METTL15: variants seen among roughly 807,000 people sequenced by gnomAD.
METTL15 encodes methyltransferase 15, mitochondrial 12S rRNA N4-cytidine.
In METTL15, 34 loss-of-function variants were observed where a neutral mutation model predicts 38.3. The observed-to-expected ratio is 0.89, with a 90% CI of 0.68 to 1.18. The LOEUF is 1.18. METTL15 is among the 50% of genes most tolerant of loss of function. METTL15 has a pLI of 0.00. For missense variants in METTL15, 438 were observed against 498.4 expected, an observed-to-expected ratio of 0.88 and a Z score of 1.15; for synonymous variants, 162 against 170.9, an observed-to-expected ratio of 0.95 and a Z score of 0.41.
chr11:28,208,090 T>C (rs1250512317), intron 3 of METTL15, among the ~76,000 whole-genome samples: 1 of 152,148 alleles, frequency 6.6e-6, no homozygotes, highest in Non-Finnish European at 1.5e-5. Context: ...TTTGAAGGGT[T>C]TTTTATGTCT....
chr11:28,171,437 G>T (rs1000014506), intron 3 of METTL15, among the ~76,000 whole-genome samples: 2 of 152,102 alleles, frequency 1.3e-5, no homozygotes, highest in Non-Finnish European at 1.5e-5. Context: ...ATATGAAAAG[G>T]TTTGCCAAAT....
At chr11:28,428,044 T>A (rs1850881048) in intron 6 of METTL15, among the ~76,000 whole-genome samples, 1 of 152,216 alleles carries the variant, frequency 6.6e-6, no homozygotes, top group Non-Finnish European at 1.5e-5. Context: ...GCCTTGACTT[T>A]CTTTCTATTA....
chr11:28,262,459 TTA>T (rs1340878833), intron 4 of METTL15, among the ~76,000 whole-genome samples: 1 of 151,696 alleles, frequency 6.6e-6, no homozygotes, highest in African/African-American at 2.4e-5. Context: ...CTACATAGTC[TTA>T]TATATATGTG....
At chr11:28,329,598 C>T (rs969325256) in intron 6 of METTL15, among the ~76,000 whole-genome samples, 1 of 152,112 alleles carries the variant, frequency 6.6e-6, no homozygotes, top group Non-Finnish European at 1.5e-5. Flanking sequence ...AATCTGTGAA[C>T]ATTCAGTAAT....
intron 4 of METTL15, among the ~76,000 whole-genome samples, chr11:28,356,556 G>A (rs954654228): frequency 6.6e-6 from 1 of 152,300 alleles, no homozygotes; most frequent in Non-Finnish European, 1.5e-5. Context: ...AAAGGCCAGG[G>A]TTTGTTTAGA....
intron 6 of METTL15, among the ~76,000 whole-genome samples, chr11:28,454,418 C>T (rs977909602): frequency 3.3e-5 from 5 of 152,028 alleles, no homozygotes; most frequent in African/African-American, 1.2e-4. Context: ...TCTTAATAGT[C>T]TTCTTAATAG....
intron 3 of METTL15, among the ~76,000 whole-genome samples, chr11:28,155,799 C>T (rs1312377441): frequency 3.3e-5 from 5 of 152,070 alleles, no homozygotes; most frequent in African/African-American, 1.2e-4. Context: ...TGGTAATGAT[C>T]TTAAGACAGT....
intron 4 of METTL15, among the ~76,000 whole-genome samples, chr11:28,216,592 A>G (rs970025199): frequency 1.3e-5 from 2 of 152,132 alleles, no homozygotes; most frequent in Non-Finnish European, 2.9e-5. Flanking sequence ...TTTAAATTTT[A>G]GGGTACATGT....
intron 5 of METTL15, among the ~76,000 whole-genome samples, chr11:28,402,239 A>T (rs1478364939): frequency 6.6e-6 from 1 of 151,910 alleles, no homozygotes; most frequent in Non-Finnish European, 1.5e-5. Context: ...CAACCTGTGG[A>T]TTCTGCCTCC....
intron 1 of METTL15, among the ~76,000 whole-genome samples, chr11:28,109,330 T>C (rs1417438782): frequency 6.6e-6 from 1 of 152,242 alleles, no homozygotes; most frequent in African/African-American, 2.4e-5. Flanking sequence ...TGTGTGCTGC[T>C]GGTCTTGGTA....
intron 3 of METTL15, among the ~76,000 whole-genome samples, chr11:28,141,760 T>C (rs1200301011): frequency 6.6e-6 from 1 of 152,136 alleles, no homozygotes; most frequent in Non-Finnish European, 1.5e-5. Flanking sequence ...GTAAGCAAGC[T>C]AGGGAACAAT....
At chr11:28,476,212 G>A (rs767906305) in intron 6 of METTL15, among the ~76,000 whole-genome samples, 20 of 152,126 alleles carry the variant, frequency 1.3e-4, no homozygotes, top group Non-Finnish European at 2.9e-4. Flanking sequence ...CCAGCCCATT[G>A]TCCCCCTCTT....
chr11:28,513,596 G>A (rs2133503072), intron 6 of METTL15, among the ~76,000 whole-genome samples: 1 of 152,264 alleles, frequency 6.6e-6, no homozygotes, highest in Non-Finnish European at 1.5e-5. Context: ...GAAATCAGGG[G>A]TCTCACAGCC....
At chr11:28,271,975 A>T (rs558210086) in intron 4 of METTL15, among the ~76,000 whole-genome samples, 5 of 152,276 alleles carry the variant, frequency 3.3e-5, no homozygotes, top group Admixed American at 2.6e-4. Flanking sequence ...GGTTATCATC[A>T]CTGGTTGGTC....
intron 6 of METTL15, among the ~76,000 whole-genome samples, chr11:28,513,577 G>A (rs1279578900): frequency 1.3e-5 from 2 of 152,172 alleles, no homozygotes; most frequent in Non-Finnish European, 2.9e-5. Flanking sequence ...ATATAGAGGT[G>A]TAAAGTGGGA....
intron 3 of METTL15, among the ~76,000 whole-genome samples, chr11:28,152,464 A>G (rs1009096051): frequency 6.6e-6 from 1 of 152,022 alleles, no homozygotes; most frequent in Non-Finnish European, 1.5e-5. Flanking sequence ...TGGTCACTAA[A>G]TTTTGTTTTT....
chr11:28,363,382 C>T (rs908124977), intron 5 of METTL15, among the ~76,000 whole-genome samples: 13 of 152,088 alleles, frequency 8.5e-5, no homozygotes, highest in African/African-American at 3.1e-4. Context: ...ACCATGTTTG[C>T]CAGGCTGGTC....
chr11:28,181,259 A>ATTTTTTTTTTTTTTTTTTTTT (rs71449171), intron 3 of METTL15, among the ~76,000 whole-genome samples: 6 of 133,798 alleles, frequency 4.5e-5, no homozygotes, highest in Admixed American at 8.2e-5. Flanking sequence ...TTAATTTTTA[A>ATTTTTTTTTTTTTTTTTTTTT]TTTTTTTTTT....
At chr11:28,358,370 T>C (rs183910480) in intron 4 of METTL15, among the ~76,000 whole-genome samples, 3 of 152,298 alleles carry the variant, frequency 2.0e-5, no homozygotes, top group Admixed American at 2.0e-4. Context: ...TTTTAAGCCA[T>C]TAAGTTTGTG....
Sources: gnomAD v4.1 joint callset for allele counts (sites outside exome capture counted in the v4.1 genomes callset) on GRCh38, gnomAD v4.1.1 for gene constraint, MANE v1.5 for transcripts, NCBI Gene and HGNC (gene_info 2026-07-23, HGNC 2026-07-21) for gene names.